PLEKHG3: variants seen among roughly 807,000 people sequenced by gnomAD.
PLEKHG3 encodes pleckstrin homology and RhoGEF domain containing G3.
In PLEKHG3, 62 loss-of-function variants were observed where a neutral mutation model predicts 94.9. The observed-to-expected ratio is 0.65, with a 90% CI of 0.53 to 0.81. The LOEUF (loss-of-function observed/expected upper bound fraction) is 0.81. Ranked by LOEUF, PLEKHG3 falls within the 30% of genes least tolerant of loss-of-function variation. The pLI is 0.00. For synonymous variants in PLEKHG3, 614 were observed against 654.0 expected, an observed-to-expected ratio of 0.94 and a Z score of 0.93; for missense variants, 1,461 against 1,619.3, an observed-to-expected ratio of 0.90 and a Z score of 1.68.
Position 64,731,552 on chromosome 14 carries a change from GCCCTGCCCCATCTC to G in PLEKHG3, c.1032+11_1032+24del, listed in dbSNP as rs1451921392. 1 of 1,613,118 alleles carries G rather than the reference GCCCTGCCCCATCTC, an allele frequency of 6.2e-7. No homozygotes were observed. Among genetic ancestry groups the G allele is most frequent in the Admixed American group, 1.7e-5 (1 of 60,002 alleles). On this transcript the variant is annotated intron_variant, in intron 8 of 16. Transcript: ENST00000247226. This position sits in a 1 kb window ranked among gnomAD's most constrained non-coding sequence, Gnocchi z 6.1. ...ACAAGGGCAACATCCCGGTAACCAG[GCCCTGCCCCATCTC>G]CTCTGCCATCTTCTCTCCTTCCCAA...
chr14:64,749,349 T>G lies in PLEKHG3; in HGVS notation c.*5646T>G, dbSNP rs1192736309. 1.6e-5 allele frequency: 26 copies of G among 1,610,416 alleles called. No individual in the cohort carries two copies. Among genetic ancestry groups the G allele is most frequent in the Non-Finnish European group, 2.1e-5 (25 of 1,179,574 alleles). On this transcript the variant is annotated 3_prime_UTR_variant, in exon 17 of 17. Transcript: ENST00000247226. This position sits in a 1 kb window ranked among gnomAD's most constrained non-coding sequence, Gnocchi z 4.7. ...GAAGCTGAATCTCTTCTCCTTGTCT[T>G]TCTTGCCGAGGCTGGCGTCGGGGCC...
chr14:64,709,408 G>A (rs546098625), intron 1 of PLEKHG3, among the ~76,000 whole-genome samples: 1 of 152,180 alleles, frequency 6.6e-6, no homozygotes, highest in Non-Finnish European at 1.5e-5. Context: ...TTTGGGGAGG[G>A]AGCCCTACGT....
intron 12 of PLEKHG3, among the ~76,000 whole-genome samples, chr14:64,734,855 G>T (rs2081541292): frequency 6.6e-6 from 1 of 151,822 alleles, no homozygotes; most frequent in Non-Finnish European, 1.5e-5. Context: ...CGAGTAGCTG[G>T]GATTACAGGC....
Position 64,731,879 on chromosome 14 carries a change from C to A in PLEKHG3, c.1125+73C>A, listed in dbSNP as rs2081474528. ...GACACCTGCGTGGGACTCCTGGCTC[C>A]TCTGCTCACCTAGCTGCCCCAAGCC... On this transcript the variant is annotated intron_variant, in intron 9 of 16. Coordinates refer to ENST00000247226, the MANE Select transcript of PLEKHG3 (RefSeq NM_001308147.2). The surrounding 1 kb of genome is among the most constrained non-coding windows in gnomAD (Gnocchi z 6.1). 1 of 1,091,088 alleles carries A rather than the reference C, an allele frequency of 9.2e-7. No individual in the cohort carries two copies. The highest frequency in any genetic ancestry group is 2.4e-5 in the East Asian group (1 of 41,406). 67.6% of individuals were successfully genotyped at this position (1,091,088 alleles called of 1,614,324 possible).
chr14:64,738,797 G>A lies in PLEKHG3; in HGVS notation c.1460G>A (p.Arg487Gln), dbSNP rs752142871. 6.4e-5 allele frequency: 102 copies of A among 1,600,700 alleles called. No individual in the cohort carries two copies. The highest frequency in any genetic ancestry group is 8.1e-5 in the Non-Finnish European group (95 of 1,173,382). The change falls in exon 15 of 17, where the codon CGG becomes CAG. Residue 487 changes from arginine (R) to glutamine (Q), a missense_variant. Physicochemically the swap from Arg to Gln is conservative, Grantham distance 43. Around this residue, in one of 3 missense-constraint regions of PLEKHG3, gnomAD observed 1,201 missense variants for 1,295.5 expected, o/e 0.93. Transcript: ENST00000247226. The surrounding 1 kb of genome is among the most constrained non-coding windows in gnomAD (Gnocchi z 4.8). ...SSRSSRRPSG[R>Q]SPTSTEKRMS... is the part of the protein sequence containing the mutation. Reference sequence around the variant, plus strand: ...AGGAGCAGCAGAAGGCCCAGTGGCCGGTCTCCAACCAGTACTGAGAAGCGC... The same window carrying A: ...AGGAGCAGCAGAAGGCCCAGTGGCCAGTCTCCAACCAGTACTGAGAAGCGC...
rs1422394463 is a variant in PLEKHG3 at position 64,742,855 on chromosome 14, C to T, written c.2939-127C>T. The T allele has an allele frequency of 4.9e-6, 4 of 824,182 alleles. No homozygotes were observed. In the Admixed American group the frequency reaches 8.4e-5, roughly 17 times the overall value. The allele number at this position is 824,182 out of a possible 1,614,324, so 51.1% of individuals were successfully genotyped here. ...AGGCTGTGGATGGTAAGTGAGATTTCTCCCATCACACCCAAAACCCCAACA... is the reference window on the plus strand; with the variant it reads ...AGGCTGTGGATGGTAAGTGAGATTTTTCCCATCACACCCAAAACCCCAACA... On this transcript the variant is annotated intron_variant, in intron 16 of 16. Coordinates refer to ENST00000247226, the MANE Select transcript of PLEKHG3 (RefSeq NM_001308147.2).
At position 64,731,819 on chromosome 14, in the gene PLEKHG3, T is replaced by C. The variant is rs761794900; in HGVS notation, c.1125+13T>C. ...GTACAGCATCCAGGTGAGGGGAAGGTGGGGCTCAGGGGCTAGGGAACAAGA... is the reference window on the plus strand; with the variant it reads ...GTACAGCATCCAGGTGAGGGGAAGGCGGGGCTCAGGGGCTAGGGAACAAGA... On this transcript the variant is annotated intron_variant, in intron 9 of 16. Transcript: ENST00000247226. This position sits in a 1 kb window ranked among gnomAD's most constrained non-coding sequence, Gnocchi z 6.1. 1.3e-5 allele frequency: 20 copies of C among 1,592,238 alleles called. No homozygotes were observed. The South Asian group carries it at 2.2e-4, about 18-fold the overall frequency.
chr14:64,732,315 G>A lies in PLEKHG3; in HGVS notation c.1213-112G>A, dbSNP rs114393302. On this transcript the variant is annotated intron_variant, in intron 10 of 16. Coordinates refer to ENST00000247226, the MANE Select transcript of PLEKHG3 (RefSeq NM_001308147.2). The surrounding 1 kb of genome is among the most constrained non-coding windows in gnomAD (Gnocchi z 4.9). ...TGAGTGTCAGTACAGCAGATGCCCCGGGCCTTGGTGCAGCACTGTGGGGTG... is the reference window on the plus strand; with the variant it reads ...TGAGTGTCAGTACAGCAGATGCCCCAGGCCTTGGTGCAGCACTGTGGGGTG... 1,433 of 1,236,294 alleles carry A rather than the reference G, an allele frequency of 1.2e-3. 14 individuals carry two copies. The African/African-American group carries it at 0.019, about 16-fold the overall frequency. The allele number at this position is 1,236,294 out of a possible 1,614,324, so 76.6% of individuals were successfully genotyped here.
rs757580862 is a variant in PLEKHG3, at chr14:64,750,037, A to G, written c.*6334A>G. On this transcript the variant is annotated 3_prime_UTR_variant, in exon 17 of 17. Coordinates refer to ENST00000247226, the MANE Select transcript of PLEKHG3 (RefSeq NM_001308147.2). Reference sequence around the variant, plus strand: ...AGTTGGCAGCAATCTCACAGATGGCATGTCTCAGGGCCAGGGGTTCCTCCC... The same window carrying G: ...AGTTGGCAGCAATCTCACAGATGGCGTGTCTCAGGGCCAGGGGTTCCTCCC... 1 of 1,614,116 alleles carries G rather than the reference A, an allele frequency of 6.2e-7. No individual in the cohort carries two copies. Among genetic ancestry groups the G allele is most frequent in the African/African-American group, 1.3e-5 (1 of 74,950 alleles).
At chr14:64,737,138 G>A (rs1475424803) in intron 13 of PLEKHG3, 2 of 644,398 alleles carry the variant, frequency 3.1e-6, no homozygotes, top group Non-Finnish European at 5.7e-6. Context: ...CGAGCAACAG[G>A]CACAGACCTG....
Position 64,704,859 on chromosome 14 carries a change from C to A in PLEKHG3, c.-40+155C>A, listed in dbSNP as rs229664. Among the ~76,000 whole-genome samples, 19,327 of 152,272 alleles carry A rather than the reference C, an allele frequency of 0.13. 1,317 individuals are homozygous for A. Among genetic ancestry groups the A allele is most frequent in the Middle Eastern group, 0.17 (51 of 294 alleles). ...CGGGGCGACCGAGGAGGGCCTGGAA[C>A]TGTGTTGGCTGCTTCCCGGGCCACC... On this transcript the variant is annotated intron_variant, in intron 1 of 16. Coordinates refer to ENST00000247226, the MANE Select transcript of PLEKHG3 (RefSeq NM_001308147.2). This position sits in a 1 kb window ranked among gnomAD's most constrained non-coding sequence, Gnocchi z 5.6.
At chr14:64,724,294 C>A (rs888643433) in intron 1 of PLEKHG3, among the ~76,000 whole-genome samples, 10 of 152,182 alleles carry the variant, frequency 6.6e-5, no homozygotes, top group African/African-American at 2.2e-4. Flanking sequence ...ACGGTGCCTC[C>A]TGACAGTCTG....
rs1249672615 is a variant in PLEKHG3, at chr14:64,725,127, G to A, written c.-39-2466G>A. 1.3e-5 allele frequency among the ~76,000 whole-genome samples: 2 copies of A among 152,220 alleles called. No individual in the cohort carries two copies. The highest frequency in any genetic ancestry group is 4.8e-5 in the African/African-American group (2 of 41,462). On this transcript the variant is annotated intron_variant, in intron 1 of 16. Transcript: ENST00000247226. The surrounding 1 kb of genome is among the most constrained non-coding windows in gnomAD (Gnocchi z 5.0). ...GTGCTTATGTTGCTATCCTCTTACAGTGGGATCCCCAGAGAGGGACCCTCA... is the reference window on the plus strand; with the variant it reads ...GTGCTTATGTTGCTATCCTCTTACAATGGGATCCCCAGAGAGGGACCCTCA...
rs2081369413 is a variant in PLEKHG3 at position 64,727,292 on chromosome 14, C to T, written c.-39-301C>T. On this transcript the variant is annotated intron_variant, in intron 1 of 16. Transcript: ENST00000247226. This position sits in a 1 kb window ranked among gnomAD's most constrained non-coding sequence, Gnocchi z 6.0. ...CATCAGTGCTCATAGAGTCTGAGAA[C>T]AGGGCCCTTCTTGGGATTCAGTTTT... Among the ~76,000 whole-genome samples, 1 of 152,162 alleles carries T rather than the reference C, an allele frequency of 6.6e-6. No individual in the cohort carries two copies. Among genetic ancestry groups the T allele is most frequent in the African/African-American group, 2.4e-5 (1 of 41,424 alleles).
chr14:64,732,806 C>G lies in PLEKHG3; in HGVS notation c.1250C>G (p.Pro417Arg). ...EAILEMDSYY[P>R]NRYRCSPERL... Reference sequence around the variant, plus strand: ...ATCGTCTCTCTCCTGGGTGCAGATCCCAATCGGTACCGCTGCAGCCCAGAG... The same window carrying G: ...ATCGTCTCTCTCCTGGGTGCAGATCGCAATCGGTACCGCTGCAGCCCAGAG... Residue 417 changes from proline (P) to arginine (R), a missense_variant, in exon 12 of 17, where the codon CCC becomes CGC. Pro to Arg is a moderately radical substitution (Grantham distance 103). This residue lies in a region of PLEKHG3 where 1,201 missense variants were observed against 1,295.5 expected (regional missense o/e 0.93). Transcript: ENST00000247226. The surrounding 1 kb of genome is among the most constrained non-coding windows in gnomAD (Gnocchi z 4.9). The G allele has an allele frequency of 1.2e-6, 2 of 1,602,978 alleles. No homozygotes were observed. The highest frequency in any genetic ancestry group is 2.3e-5 in the South Asian group (2 of 88,714).
rs1187444532 is a variant in PLEKHG3 at position 64,725,278 on chromosome 14, C to G, written c.-39-2315C>G. On this transcript the variant is annotated intron_variant, in intron 1 of 16. Coordinates refer to ENST00000247226, the MANE Select transcript of PLEKHG3 (RefSeq NM_001308147.2). The surrounding 1 kb of genome is among the most constrained non-coding windows in gnomAD (Gnocchi z 5.0). Reference sequence around the variant, plus strand: ...TGTGAAATCCATTTGGGAGTGGGGCCGTTTCCATTTAGCTTCCCCAGAGAA... The same window carrying G: ...TGTGAAATCCATTTGGGAGTGGGGCGGTTTCCATTTAGCTTCCCCAGAGAA... 6.6e-6 allele frequency among the ~76,000 whole-genome samples: 1 copy of G among 151,436 alleles called. No homozygotes were observed. Among genetic ancestry groups the G allele is most frequent in the South Asian group, 2.1e-4 (1 of 4,802 alleles).
chr14:64,720,390 G>A lies in PLEKHG3; in HGVS notation c.-39-7203G>A, dbSNP rs1412283398. On this transcript the variant is annotated intron_variant, in intron 1 of 16. Transcript: ENST00000247226. The surrounding 1 kb of genome is among the most constrained non-coding windows in gnomAD (Gnocchi z 4.1). The stretch of plus-strand genomic sequence containing the variant: ...CAGTGACTAATGTGGAGACTCATTA[G>A]GCTAGGAGGAACTGGCTTTGGTCTT... Among the ~76,000 whole-genome samples, 1 of 152,206 alleles carries A rather than the reference G, an allele frequency of 6.6e-6. No homozygotes were observed. The highest frequency in any genetic ancestry group is 1.5e-5 in the Non-Finnish European group (1 of 68,032).
rs1594692576 is a variant in PLEKHG3 at position 64,731,333 on chromosome 14, T to C, written c.850-28T>C. On this transcript the variant is annotated intron_variant, in intron 7 of 16. Coordinates refer to ENST00000247226, the MANE Select transcript of PLEKHG3 (RefSeq NM_001308147.2). This position sits in a 1 kb window ranked among gnomAD's most constrained non-coding sequence, Gnocchi z 6.1. ...CCTCCTAAGGCCCCAGTGGCCTGAC[T>C]CTAGGGATTGGGGCCCCTCTGCTGC... is the stretch of plus-strand genomic sequence containing the variant. The C allele has an allele frequency of 1.3e-6, 2 of 1,597,456 alleles. No individual in the cohort carries two copies. Among genetic ancestry groups the C allele is most frequent in the South Asian group, 1.1e-5 (1 of 90,782 alleles).
At position 64,730,401 on chromosome 14, in the gene PLEKHG3, TG is replaced by T; in HGVS notation, c.519+93del. The T allele has an allele frequency of 1.1e-6, 1 of 912,574 alleles. No homozygotes were observed. The highest frequency in any genetic ancestry group is 1.7e-6 in the Non-Finnish European group (1 of 579,754). The allele number at this position is 912,574 out of a possible 1,614,324, so 56.5% of individuals were successfully genotyped here. ...CCAGCATAAGAGGACATCTGAGTCC[TG>T]GGGATTCCTTTCCAGGGAAAGTCCT... On this transcript the variant is annotated intron_variant, in intron 4 of 16. Transcript: ENST00000247226. The surrounding 1 kb of genome is among the most constrained non-coding windows in gnomAD (Gnocchi z 5.4).
Sources: allele counts gnomAD v4.1 joint callset (sites outside exome capture counted in the v4.1 genomes callset), GRCh38; gene constraint gnomAD v4.1.1; regional missense constraint gnomAD v4.1.1; non-coding constraint Gnocchi (gnomAD v3.1); transcripts MANE v1.5; gene names NCBI Gene and HGNC (gene_info 2026-07-23, HGNC 2026-07-21).